Variants in EXOC4 observed in about 807,000 individuals in gnomAD.
EXOC4 encodes SEC8-like 1.
Under a neutral mutation model 107.2 loss-of-function variants are expected in EXOC4, and 71 were observed. The ratio of observed to expected loss-of-function variants is 0.66; its 90% confidence interval spans 0.55 to 0.81. The LOEUF (loss-of-function observed/expected upper bound fraction) is 0.81. Ranked by LOEUF, EXOC4 falls within the 30% of genes least tolerant of loss-of-function variation. The pLI is 0.00. For synonymous variants in EXOC4, 456 were observed against 441.2 expected (o/e 1.03, Z -0.42); for missense variants, 1,108 against 1,189.6 (o/e 0.93, Z 1.01).
intron 7 of EXOC4, among the ~76,000 whole-genome samples, chr7:133,452,218 A>G (rs573314036): frequency 6.6e-6 from 1 of 152,272 alleles, no homozygotes; most frequent in Non-Finnish European, 1.5e-5. Context: ...CTTAGATTAG[A>G]AATGGTCCCT....
chr7:133,689,126 A>G (rs1171272587), intron 10 of EXOC4, among the ~76,000 whole-genome samples: 3 of 152,154 alleles, frequency 2.0e-5, no homozygotes, highest in African/African-American at 7.2e-5. Flanking sequence ...TGGCTGTCAT[A>G]GTAGAGGTGA....
chr7:134,084,334 TACAG>T, the EXOC4 span, among the ~76,000 whole-genome samples: 1 of 152,190 alleles, frequency 6.6e-6, no homozygotes, highest in Non-Finnish European at 1.5e-5. Context: ...TTGCCAGTGT[TACAG>T]ACAGTTTAAA....
At chr7:133,301,472 A>G (rs1438102494) in intron 3 of EXOC4, among the ~76,000 whole-genome samples, 2 of 152,204 alleles carry the variant, frequency 1.3e-5, no homozygotes, top group Admixed American at 1.3e-4. Context: ...TCTTGCTAGA[A>G]AAATGCTTCC....
chr7:133,687,626 C>T (rs1029845501), intron 10 of EXOC4, among the ~76,000 whole-genome samples: 3 of 152,088 alleles, frequency 2.0e-5, no homozygotes, highest in Non-Finnish European at 4.4e-5. Flanking sequence ...GAGTTCCTGC[C>T]TCTTTGGCTG....
Position 133,435,884 on chromosome 7 carries a change from G to GAATA in EXOC4, c.1183-39443_1183-39440dup, listed in dbSNP as rs141386885. On this transcript the variant is annotated intron_variant, in intron 7 of 17. Coordinates refer to ENST00000253861, the MANE Select transcript of EXOC4 (RefSeq NM_021807.4). ...GATTGTGCTGAATGGATAAGTGAAT[G>GAATA]AATATGTTTCTTTTGATACTGAAGC... Among the ~76,000 whole-genome samples, 389 of 152,198 alleles carry GAATA rather than the reference G, an allele frequency of 2.6e-3. 3 individuals carry two copies. The highest frequency in any genetic ancestry group is 8.9e-3 in the African/African-American group (368 of 41,522).
At chr7:133,434,637 G>C (rs755145796) in intron 7 of EXOC4, among the ~76,000 whole-genome samples, 10 of 152,078 alleles carry the variant, frequency 6.6e-5, no homozygotes, top group Non-Finnish European at 1.5e-4. Context: ...TTTTAATTTG[G>C]TGCAGAAAAA....
chr7:133,462,392 GATAGAGGCAC>G (rs555552584), intron 7 of EXOC4, among the ~76,000 whole-genome samples: 3 of 152,312 alleles, frequency 2.0e-5, no homozygotes, highest in African/African-American at 7.2e-5. Flanking sequence ...CTGATGGGAA[GATAGAGGCAC>G]ATAGTTGTCA....
intron 2 of EXOC4, among the ~76,000 whole-genome samples, chr7:133,284,315 T>C (rs1309270118): frequency 6.6e-6 from 1 of 152,130 alleles, no homozygotes; most frequent in Non-Finnish European, 1.5e-5. Flanking sequence ...TAACATAAGA[T>C]TTATTTTTAA....
At chr7:134,040,874 G>A (rs143211184) in intron 17 of EXOC4, among the ~76,000 whole-genome samples, 1 of 152,128 alleles carries the variant, frequency 6.6e-6, no homozygotes, top group African/African-American at 2.4e-5. Context: ...CAACATATGT[G>A]GTATAGGTGG....
At chr7:133,655,340 G>A (rs1452085787) in intron 10 of EXOC4, among the ~76,000 whole-genome samples, 1 of 151,966 alleles carries the variant, frequency 6.6e-6, no homozygotes, top group African/African-American at 2.4e-5. Flanking sequence ...TCTATGTGGT[G>A]GTTACTGTTG....
intron 10 of EXOC4, among the ~76,000 whole-genome samples, chr7:133,755,241 A>ATATAT (rs1795877431): frequency 9.6e-6 from 1 of 104,588 alleles, no homozygotes; most frequent in Non-Finnish European, 1.9e-5. Context: ...TATAATATAT[A>ATATAT]TAATATATAT....
chr7:133,913,070 G>A (rs976475733), intron 12 of EXOC4, among the ~76,000 whole-genome samples: 1 of 152,088 alleles, frequency 6.6e-6, no homozygotes, highest in Non-Finnish European at 1.5e-5. Context: ...CAAACAAGGA[G>A]GATGAGAAAA....
At chr7:133,361,855 A>G (rs971820767) in intron 6 of EXOC4, among the ~76,000 whole-genome samples, 1 of 152,248 alleles carries the variant, frequency 6.6e-6, no homozygotes, top group Non-Finnish European at 1.5e-5. Context: ...CCATGAAATG[A>G]TACTGAAGCA....
chr7:133,516,984 A>G (rs75100774), intron 9 of EXOC4, among the ~76,000 whole-genome samples: 5,038 of 151,924 alleles, frequency 0.033, 281 homozygotes, highest in African/African-American at 0.12. Flanking sequence ...TAAAATGCAT[A>G]TATCTATTTA....
At chr7:133,495,359 AT>A (rs1799453234) in intron 9 of EXOC4, among the ~76,000 whole-genome samples, 1 of 151,802 alleles carries the variant, frequency 6.6e-6, no homozygotes, top group East Asian at 1.9e-4. Context: ...TATTAATATT[AT>A]TATTACACTT....
rs180926575 is a variant in EXOC4, at chr7:133,598,705, C to T, written c.1418-31340C>T. ...TCTAAGTATAAAATGCAAACTGGGC[C>T]GGGTGTGGTGGGTCATACCTGTAAT... On this transcript the variant is annotated intron_variant, in intron 9 of 17. Transcript: ENST00000253861. 7.2e-5 allele frequency among the ~76,000 whole-genome samples: 11 copies of T among 152,064 alleles called. No homozygotes were observed. In the East Asian group the frequency reaches 7.7e-4, roughly 11 times the overall value.
At chr7:133,280,445 G>T (rs963366076) in intron 2 of EXOC4, among the ~76,000 whole-genome samples, 2 of 152,140 alleles carry the variant, frequency 1.3e-5, no homozygotes, top group African/African-American at 4.8e-5. Flanking sequence ...TCTCTGTGGT[G>T]TACTAGGTGA....
chr7:133,500,925 G>A (rs1266324351), intron 9 of EXOC4, among the ~76,000 whole-genome samples: 1 of 152,078 alleles, frequency 6.6e-6, no homozygotes, highest in African/African-American at 2.4e-5. Flanking sequence ...TTTTTCTCTT[G>A]TGAGAATTCA....
intron 9 of EXOC4, among the ~76,000 whole-genome samples, chr7:133,555,219 C>T (rs1800668809): frequency 6.6e-6 from 1 of 152,066 alleles, no homozygotes; most frequent in East Asian, 1.9e-4. Context: ...GGTCACTGAG[C>T]ATGTAATGGT....
Sources: gnomAD v4.1 joint callset for allele counts (sites outside exome capture counted in the v4.1 genomes callset) on GRCh38, gnomAD v4.1.1 for gene constraint, MANE v1.5 for transcripts, NCBI Gene and HGNC (gene_info 2026-07-23, HGNC 2026-07-21) for gene names.